Variants in RCCD1 observed in about 807,000 individuals in gnomAD.
The protein encoded by RCCD1 is RCC1 domain containing 1.
A neutral mutation model predicts 37.6 loss-of-function variants in RCCD1; 40 were observed. The observed-to-expected ratio is 1.06, with a 90% CI of 0.83 to 1.39. The LOEUF (loss-of-function observed/expected upper bound fraction) is 1.39. RCCD1 is among the 40% of genes most tolerant of loss of function. The pLI is 0.00. For missense variants in RCCD1, 577 were observed against 517.3 expected (o/e 1.12, Z -1.12); for synonymous variants, 263 against 230.0 (o/e 1.14, Z -1.30).
intron 2 of RCCD1, 88 bp from the exon 3 acceptor site, chr15:90,957,025 C>T (rs1024624613): frequency 1.6e-6 from 2 of 1,288,758 alleles, no homozygotes; most frequent in African/African-American, 3.1e-5. Flanking sequence ...CTGGGTTGGT[C>T]CCCAATTCGA....
rs2037289037 is a variant in RCCD1, at chr15:90,960,356, G to C, written c.807G>C (p.Gln269His). ...CAGAACTGAATGAAGATGGTTCTCA[G>C]GTGAAGAGAACGGGTGGGGCTGAGG... ...EATELNEDGS[Q>H]VKRTGGAEDG... Residue 269 changes from glutamine to histidine, a missense_variant, in exon 6 of 8, where the codon CAG becomes CAC. Transcript: ENST00000394258. 3 of 1,612,348 alleles carry C rather than the reference G, an allele frequency of 1.9e-6. No homozygotes were observed. The highest frequency in any genetic ancestry group is 1.7e-6 in the Non-Finnish European group (2 of 1,179,300).
rs575334719 is a variant in RCCD1, at chr15:90,958,824, C to G, written c.680-1076C>G. 7.3e-5 allele frequency among the ~76,000 whole-genome samples: 11 copies of G among 150,748 alleles called. 1 individual carries two copies. The South Asian group carries it at 1.9e-3, about 26-fold the overall frequency. On this transcript the variant is annotated intron_variant, in intron 4 of 7. Coordinates refer to ENST00000394258, the MANE Select transcript of RCCD1 (RefSeq NM_001017919.2). ...GCTCGTGCCTGTGGTCCCAGCTACTCGGGAGGCTGAGGCTGGAGGATCACT... is the reference window on the plus strand; with the variant it reads ...GCTCGTGCCTGTGGTCCCAGCTACTGGGGAGGCTGAGGCTGGAGGATCACT...
At position 90,961,710 on chromosome 15, in the gene RCCD1, G is replaced by A; in HGVS notation, c.1072G>A (p.Ala358Thr). 1 of 1,614,200 alleles carries A rather than the reference G, an allele frequency of 6.2e-7. No homozygotes were observed. The highest frequency in any genetic ancestry group is 8.5e-7 in the Non-Finnish European group (1 of 1,180,024). ...YFVDKQLQVK[A>T]VTCGPWNTYV... ...TGTAGATAAGCAACTCCAAGTAAAG[G>A]CTGTCACCTGTGGGCCGTGGAACAC... Residue 358 changes from alanine to threonine, a missense_variant, in exon 8 of 8, where the codon GCT becomes ACT. Ala to Thr is a moderately conservative substitution (Grantham distance 58). Coordinates refer to ENST00000394258, the MANE Select transcript of RCCD1 (RefSeq NM_001017919.2).
At chr15:90,955,997 A>G (rs1406704919) in intron 1 of RCCD1, 1 of 152,216 alleles carries the variant, frequency 6.6e-6, no homozygotes, top group Non-Finnish European at 1.5e-5. Context: ...TGTGTTTATC[A>G]TGGCATGTAC....
intron 4 of RCCD1, among the ~76,000 whole-genome samples, chr15:90,958,971 A>G (rs916603828): frequency 4.7e-5 from 7 of 150,514 alleles, no homozygotes; most frequent in African/African-American, 1.2e-4. Flanking sequence ...AAAAACCCCA[A>G]CCTTGGGCTG....
intron 4 of RCCD1, chr15:90,959,617 G>A (rs2037273362): frequency 4.2e-6 from 1 of 235,772 alleles, no homozygotes; most frequent in Non-Finnish European, 8.2e-6. Context: ...GGAGACCACT[G>A]CGGTACTTCT....
rs1413272743 is a variant in RCCD1, at chr15:90,961,766, C to T, written c.1128C>T (p.Ser376=). The T allele has an allele frequency of 1.2e-6, 2 of 1,613,150 alleles. No homozygotes were observed. Among genetic ancestry groups the T allele is most frequent in the Non-Finnish European group, 1.7e-6 (2 of 1,179,856 alleles). Residue 376 remains serine (S), a synonymous_variant, in exon 8 of 8, where the codon AGC becomes AGT. Transcript: ENST00000394258. ...TYVYAVEKGK[S] ...TGTATGCTGTGGAGAAAGGGAAGAG[C>T]TGACATGTGTACGTATATGTATATG...
Position 90,957,271 on chromosome 15 carries a change from C to T in RCCD1, c.325C>T (p.Pro109Ser). The change falls in exon 3 of 8, where the codon CCA becomes TCA. Residue 109 changes from proline to serine, a missense_variant. Physicochemically the swap from Pro to Ser is moderately conservative, Grantham distance 74. Transcript: ENST00000394258. ...GGCCGAATCGGCGCTGCGTGGGGAG[C>T]CATTGTGGGCCCAGAATGTGGTGCC... ...WAAESALRGEPLWAQNVVPEA... is the reference protein window; with the variant it reads ...WAAESALRGESLWAQNVVPEA... 6.6e-7 allele frequency: 1 copy of T among 1,505,392 alleles called. No individual in the cohort carries two copies. Among genetic ancestry groups the T allele is most frequent in the Non-Finnish European group, 8.9e-7 (1 of 1,122,602 alleles). 93.3% of individuals were successfully genotyped at this position (1,505,392 alleles called of 1,614,324 possible).
chr15:90,956,716 CAG>C lies in RCCD1; in HGVS notation c.-16_-15del. 7.8e-7 allele frequency: 1 copy of C among 1,277,822 alleles called. No individual in the cohort carries two copies. The highest frequency in any genetic ancestry group is 9.9e-7 in the Non-Finnish European group (1 of 1,012,366). The allele number at this position is 1,277,822 out of a possible 1,614,324, so 79.2% of individuals were successfully genotyped here. A position where few individuals can be genotyped will look rare whatever the true frequency, so the allele number is the denominator to read the frequency against. On this transcript the variant is annotated 5_prime_UTR_variant, in exon 2 of 8. Coordinates refer to ENST00000394258, the MANE Select transcript of RCCD1 (RefSeq NM_001017919.2). The stretch of plus-strand genomic sequence containing the variant: ...CCCGCCGCAGCCAGGCGGCGGCCGG[CAG>C]AGGGCGCTGCTCGGGCATGGCGGAG...
chr15:90,960,848 G>C (rs113379049), intron 6 of RCCD1, 177 bp from the exon 7 acceptor site: 5 of 708,724 alleles, frequency 7.1e-6, no homozygotes, highest in Non-Finnish European at 1.3e-5. Flanking sequence ...TTTTTCCCTC[G>C]GGATCCTCTG....
chr15:90,956,822 C>T lies in RCCD1; in HGVS notation c.88C>T (p.His30Tyr), dbSNP rs1423768221. 3 of 1,306,934 alleles carry T rather than the reference C, an allele frequency of 2.3e-6. No individual in the cohort carries two copies. The highest frequency in any genetic ancestry group is 2.9e-6 in the Non-Finnish European group (3 of 1,028,242). The allele number at this position is 1,306,934 out of a possible 1,614,324, so 81.0% of individuals were successfully genotyped here. Reference protein sequence around the residue: ...ELGSGRGRQVHSPSPLRAGVD... With the variant: ...ELGSGRGRQVYSPSPLRAGVD... ...GGGCTCCGGACGCGGGCGCCAGGTG[C>T]ACAGCCCCAGTCCGCTGCGGGCGGG... Residue 30 changes from histidine (H) to tyrosine (Y), a missense_variant, in exon 2 of 8, where the codon CAC (histidine) becomes TAC (tyrosine). Transcript: ENST00000394258.
At chr15:90,961,002 A>G (rs527745504) in intron 6 of RCCD1, 23 bp from the exon 7 acceptor site, 4 of 1,613,200 alleles carry the variant, frequency 2.5e-6, no homozygotes, top group African/African-American at 1.3e-5. Context: ...AGTGACAACT[A>G]TCGATTGTCC....
intron 1 of RCCD1, chr15:90,955,701 TAAA>T (rs34626353): frequency 0.33 from 44,028 of 134,410 alleles, 8,549 homozygotes; most frequent in East Asian, 0.91. Context: ...TCTATTATAT[TAAA>T]AAAAAAAAAA....
In RCCD1 at chr15:90,960,010, C is replaced by G; in HGVS notation, c.778+12C>G. On this transcript the variant is annotated intron_variant, in intron 5 of 7. Transcript: ENST00000394258. The stretch of plus-strand genomic sequence containing the variant: ...TGTCGCAAGGGAAGGTGAGGGTCAT[C>G]TCGGCTCCCACAGCCGTCTCCCCAG... 2 of 1,600,784 alleles carry G rather than the reference C, an allele frequency of 1.2e-6. No homozygotes were observed. The highest frequency in any genetic ancestry group is 8.5e-7 in the Non-Finnish European group (1 of 1,170,436).
rs1221698535 is a variant in RCCD1, at chr15:90,959,973, G to A, written c.753G>A (p.Glu251=). Residue 251 remains glutamate, a synonymous_variant, in exon 5 of 8, where the codon GAG becomes GAA. Coordinates refer to ENST00000394258, the MANE Select transcript of RCCD1 (RefSeq NM_001017919.2). ...QLALPTRNLA[E]DGETVAREAT... is the part of the protein sequence containing the mutation. ...CCCTGCCCACCAGGAACCTGGCAGA[G>A]GATGGAGAGACTGTCGCAAGGGAAG... 1.9e-6 allele frequency: 3 copies of A among 1,613,564 alleles called. No individual in the cohort carries two copies. The highest frequency in any genetic ancestry group is 1.7e-5 in the Admixed American group (1 of 59,992).
chr15:90,956,979 G>C, intron 2 of RCCD1, 79 bp downstream of exon 2: 1 of 1,285,034 alleles, frequency 7.8e-7, no homozygotes, highest in Non-Finnish European at 9.8e-7. Flanking sequence ...GGCCAGTCCA[G>C]TTTGTCTCCC....
chr15:90,957,767 T>C (rs1250966575), intron 4 of RCCD1, 42 bp downstream of exon 4: 1 of 1,553,302 alleles, frequency 6.4e-7, no homozygotes, highest in East Asian at 2.3e-5. Context: ...CATGATCTTG[T>C]GCAAACCTTC....
intron 4 of RCCD1, among the ~76,000 whole-genome samples, chr15:90,958,956 A>C (rs1867221): frequency 0.022 from 3,301 of 148,970 alleles, 131 homozygotes; most frequent in African/African-American, 0.078. Context: ...AAAAAAACAA[A>C]AAAAAAAAAC....
Position 90,956,918 on chromosome 15 carries a change from C to G in RCCD1, c.166+18C>G. ...CGTGACCCGTGAGCACTCCCCGCCC[C>G]GTCCCCACTTATTCCAGCCGCGCTC... On this transcript the variant is annotated intron_variant, in intron 2 of 7. Transcript: ENST00000394258. 3 of 1,276,842 alleles carry G rather than the reference C, an allele frequency of 2.3e-6. No homozygotes were observed. Among genetic ancestry groups the G allele is most frequent in the Non-Finnish European group, 3.0e-6 (3 of 1,013,514 alleles). 79.1% of individuals were successfully genotyped at this position (1,276,842 alleles called of 1,614,324 possible).
Sources: allele counts gnomAD v4.1 joint callset (sites outside exome capture counted in the v4.1 genomes callset), GRCh38; gene constraint gnomAD v4.1.1; transcripts MANE v1.5; gene names NCBI Gene and HGNC (gene_info 2026-07-23, HGNC 2026-07-21).